The following BRD7 variants were observed in gnomAD, a reference collection of about 807,000 sequenced individuals.
BRD7 encodes bromodomain-containing protein 7.
BRD7 carries 15 observed loss-of-function variants against 82.1 expected under a neutral mutation model. The ratio of observed to expected loss-of-function variants is 0.18; its 90% CI spans 0.12 to 0.28. The LOEUF is 0.28. BRD7 is among the 10% of genes least tolerant of loss of function. The probability of loss-of-function intolerance (pLI) is 1.00; values close to 1 mark genes in which losing one functional copy is unlikely to be tolerated. For missense variants in BRD7, 638 were observed against 779.9 expected, an observed-to-expected ratio of 0.82 and a Z score of 2.17; for synonymous variants, 232 against 266.9, an observed-to-expected ratio of 0.87 and a Z score of 1.27.
At chr16:50,322,304 C>A (rs1466668947) in intron 12 of BRD7, among the ~76,000 whole-genome samples, 6 of 152,126 alleles carry the variant, frequency 3.9e-5, no homozygotes, top group East Asian at 3.9e-4. Context: ...TGGTAAATAA[C>A]TTATAAATAT....
Position 50,354,829 on chromosome 16 carries a change from C to T in BRD7, c.352G>A (p.Glu118Lys). ...GCTAAAGAGCTTGTGAGAGGCTTCT[C>T]AGGAGGCAAGTCTAATCTCACAGGG... ...HAPVRLDLPP[E>K]KPLTSSLAKQ... The change falls in exon 3 of 17, where the codon GAG (glutamate) becomes AAG (lysine). Residue 118 changes from glutamate (E) to lysine (K), a missense_variant. Coordinates refer to ENST00000394688, the MANE Select transcript of BRD7 (RefSeq NM_013263.5). 6.2e-7 allele frequency: 1 copy of T among 1,612,478 alleles called. No individual in the cohort carries two copies. Among genetic ancestry groups the T allele is most frequent in the Non-Finnish European group, 8.5e-7 (1 of 1,179,940 alleles).
Position 50,326,265 on chromosome 16 carries a change from T to C in BRD7, c.1195+19A>G, listed in dbSNP as rs1023986424. 1 of 1,596,696 alleles carries C rather than the reference T, an allele frequency of 6.3e-7. No homozygotes were observed. The highest frequency in any genetic ancestry group is 1.3e-5 in the African/African-American group (1 of 74,532). ...CAAAACAGAGAAGAGAAAAAATGACTCCTATGCAGGAGCCTCACCTGGAGT... is the reference window on the plus strand; with the variant it reads ...CAAAACAGAGAAGAGAAAAAATGACCCCTATGCAGGAGCCTCACCTGGAGT... On this transcript the variant is annotated intron_variant, in intron 10 of 16. Coordinates refer to ENST00000394688, the MANE Select transcript of BRD7 (RefSeq NM_013263.5).
intron 4 of BRD7, among the ~76,000 whole-genome samples, chr16:50,352,203 T>G (rs1328051157): frequency 1.3e-5 from 2 of 152,236 alleles, no homozygotes; most frequent in Non-Finnish European, 2.9e-5. Context: ...AGATGGGTAA[T>G]GTGCTGATGT....
At chr16:50,367,693 G>A (rs565529222) in intron 2 of BRD7, among the ~76,000 whole-genome samples, 2 of 152,266 alleles carry the variant, frequency 1.3e-5, no homozygotes, top group South Asian at 2.1e-4. Context: ...TACAGATTTG[G>A]CATTATAATA....
In BRD7 at chr16:50,321,833, T is replaced by C. The variant is rs568331828; in HGVS notation, c.1500+149A>G. ...TTGTGCAACTTGGCACTGATATGCA[T>C]TTATGGTTTGCCATTTCAGCTAGGC... On this transcript the variant is annotated intron_variant, in intron 13 of 16. Transcript: ENST00000394688. 42 of 702,062 alleles carry C rather than the reference T, an allele frequency of 6.0e-5. No individual in the cohort carries two copies. The East Asian group carries it at 7.8e-4, about 13-fold the overall frequency. 43.5% of individuals were successfully genotyped at this position (702,062 alleles called of 1,614,324 possible). A position where few individuals can be genotyped will look rare whatever the true frequency, so the allele number is the denominator to read the frequency against.
Position 50,368,919 on chromosome 16 carries a change from G to C in BRD7, c.-145C>G, listed in dbSNP as rs1205049235. ...GCAGGGGGGCGGCGCGCGCCGGGCGGCGCGATGCCCCTCTCGAGAAGACGG... is the reference window on the plus strand; with the variant it reads ...GCAGGGGGGCGGCGCGCGCCGGGCGCCGCGATGCCCCTCTCGAGAAGACGG... On this transcript the variant is annotated 5_prime_UTR_variant, in exon 1 of 17. Coordinates refer to ENST00000394688, the MANE Select transcript of BRD7 (RefSeq NM_013263.5). The C allele has an allele frequency of 3.5e-6, 1 of 282,420 alleles. No homozygotes were observed. Among genetic ancestry groups the C allele is most frequent in the Non-Finnish European group, 5.3e-6 (1 of 189,792 alleles). The allele number at this position is 282,420 out of a possible 1,614,324, so 17.5% of individuals were successfully genotyped here. A position where few individuals can be genotyped will look rare whatever the true frequency, so the allele number is the denominator to read the frequency against.
Position 50,350,177 on chromosome 16 carries a change from T to A in BRD7, c.447-10A>T. On this transcript the variant is annotated splice_polypyrimidine_tract_variant and intron_variant, in intron 4 of 16. Transcript: ENST00000394688. ...AGCACTTGGATCTTTTCTGTAAAGATATGCAAAAGACAATGTAATATTTTA... is the reference window on the plus strand; with the variant it reads ...AGCACTTGGATCTTTTCTGTAAAGAAATGCAAAAGACAATGTAATATTTTA... The A allele has an allele frequency of 6.4e-7, 1 of 1,561,716 alleles. No individual in the cohort carries two copies. Among genetic ancestry groups the A allele is most frequent in the Non-Finnish European group, 8.6e-7 (1 of 1,158,850 alleles).
intron 5 of BRD7, among the ~76,000 whole-genome samples, chr16:50,348,206 A>G (rs921590222): frequency 1.3e-5 from 2 of 152,264 alleles, no homozygotes; most frequent in Non-Finnish European, 2.9e-5. Context: ...CTGGCTAGCC[A>G]TATGTAGAAA....
In BRD7 at chr16:50,316,483, T is replaced by A. The variant is rs1296409451; in HGVS notation, c.*2728A>T. 6.6e-6 allele frequency: 1 copy of A among 152,386 alleles called. No homozygotes were observed. The highest frequency in any genetic ancestry group is 6.5e-5 in the Admixed American group (1 of 15,280). 9.4% of individuals were successfully genotyped at this position (152,386 alleles called of 1,614,324 possible). ...TTACCAGAAAGGAATGGAGTCTGTT[T>A]AGAGACAACTTGGACAACCTGTGAG... On this transcript the variant is annotated 3_prime_UTR_variant, in exon 17 of 17. Coordinates refer to ENST00000394688, the MANE Select transcript of BRD7 (RefSeq NM_013263.5).
In BRD7 at chr16:50,316,268, G is replaced by A. The variant is rs1230558931; in HGVS notation, c.*2943C>T. ...GGGGTCAGCTGGCTGTGGGGATAGA[G>A]TCCTGAGGAATGTGGTCACAGCAAG... is the stretch of plus-strand genomic sequence containing the variant. On this transcript the variant is annotated 3_prime_UTR_variant, in exon 17 of 17. Transcript: ENST00000394688. The A allele has an allele frequency of 6.6e-6, 1 of 152,460 alleles. No individual in the cohort carries two copies. The highest frequency in any genetic ancestry group is 1.5e-5 in the Non-Finnish European group (1 of 68,098). 9.4% of individuals were successfully genotyped at this position (152,460 alleles called of 1,614,324 possible).
chr16:50,358,513 A>G (rs2038826813), intron 2 of BRD7, among the ~76,000 whole-genome samples: 1 of 147,536 alleles, frequency 6.8e-6, no homozygotes. Flanking sequence ...AAAAAAAAAG[A>G]ACAAAAAGAA....
At chr16:50,359,537 C>T (rs35866595) in intron 2 of BRD7, among the ~76,000 whole-genome samples, 2 of 152,238 alleles carry the variant, frequency 1.3e-5, no homozygotes, top group South Asian at 4.1e-4. Context: ...TTACGGAGCT[C>T]AGAGTGAAAC....
intron 2 of BRD7, among the ~76,000 whole-genome samples, chr16:50,361,390 A>G (rs2038929961): frequency 6.6e-6 from 1 of 152,178 alleles, no homozygotes; most frequent in Non-Finnish European, 1.5e-5. Context: ...TTTTATTCTG[A>G]TAACATTCCT....
Position 50,356,841 on chromosome 16 carries a change from T to C in BRD7, c.259-1919A>G, listed in dbSNP as rs556215589. 2.6e-5 allele frequency among the ~76,000 whole-genome samples: 4 copies of C among 152,328 alleles called. No homozygotes were observed. The South Asian group carries it at 8.3e-4, about 32-fold the overall frequency. ...GTTTTATTATTCTCTGTACTCTGCA[T>C]TCTTAAAATTTAAATTCTGAAGTAA... On this transcript the variant is annotated intron_variant, in intron 2 of 16. Coordinates refer to ENST00000394688, the MANE Select transcript of BRD7 (RefSeq NM_013263.5).
chr16:50,340,947 A>T (rs528201133), intron 5 of BRD7, among the ~76,000 whole-genome samples: 66 of 152,308 alleles, frequency 4.3e-4, no homozygotes, highest in African/African-American at 1.5e-3. Context: ...AACAAAAAAA[A>T]TTCAAATTCC....
chr16:50,330,342 T>G (rs1370892209), intron 8 of BRD7, among the ~76,000 whole-genome samples: 1 of 148,994 alleles, frequency 6.7e-6, no homozygotes, highest in African/African-American at 2.4e-5. Flanking sequence ...GGACACTTTT[T>G]TTTTTTTTTT....
At chr16:50,358,610 T>C (rs1031695191) in intron 2 of BRD7, among the ~76,000 whole-genome samples, 3 of 152,198 alleles carry the variant, frequency 2.0e-5, no homozygotes, top group African/African-American at 7.2e-5. Context: ...GATTTAACTG[T>C]TATTATTTAT....
At chr16:50,367,939 T>C in intron 2 of BRD7, 151 bp downstream of exon 2, 1 of 792,500 alleles carries the variant, frequency 1.3e-6, no homozygotes, top group Non-Finnish European at 2.1e-6. Flanking sequence ...AACTCATAGA[T>C]GATTCATGTC....
intron 2 of BRD7, among the ~76,000 whole-genome samples, chr16:50,356,395 AT>A (rs2038732689): frequency 6.6e-6 from 1 of 152,234 alleles, no homozygotes; most frequent in African/African-American, 2.4e-5. Flanking sequence ...TCCAATGCCT[AT>A]TAAAAGGAAA....
Sources: allele counts gnomAD v4.1 joint callset (sites outside exome capture counted in the v4.1 genomes callset), GRCh38; gene constraint gnomAD v4.1.1; transcripts MANE v1.5; gene names NCBI Gene and HGNC (gene_info 2026-07-23, HGNC 2026-07-21).